The following CEP162 variants were observed in gnomAD, a reference collection of about 807,000 sequenced individuals.
CEP162 encodes the protein centrosomal protein 162.
Under a neutral mutation model 169.2 loss-of-function variants are expected in CEP162, and 141 were observed. That is an observed-to-expected ratio of 0.83 (90% CI 0.73 to 0.96). The LOEUF is 0.96. Ranked by LOEUF, CEP162 falls within the 40% of genes least tolerant of loss-of-function variation. The probability of loss-of-function intolerance (pLI) is 0.00; values close to 1 mark genes in which losing one functional copy is unlikely to be tolerated. For missense variants in CEP162, 1,600 were observed against 1,587.2 expected, an observed-to-expected ratio of 1.01 and a Z score of -0.14; for synonymous variants, 540 against 526.4, an observed-to-expected ratio of 1.03 and a Z score of -0.35.
At chr6:84,130,595 T>C (rs1053727478) in intron 25 of CEP162, among the ~76,000 whole-genome samples, 7 of 152,226 alleles carry the variant, frequency 4.6e-5, no homozygotes, top group African/African-American at 1.7e-4. Flanking sequence ...GGAGGGTGTA[T>C]GTGTCCAGGA....
chr6:84,178,843 C>T (rs1031666989), intron 13 of CEP162, among the ~76,000 whole-genome samples: 21 of 152,198 alleles, frequency 1.4e-4, no homozygotes, highest in African/African-American at 5.1e-4. Flanking sequence ...CTGGTATGTG[C>T]TGTTCCCCTT....
chr6:84,195,123 T>A, intron 9 of CEP162, 48 bp from the exon 10 acceptor site: 1 of 1,375,194 alleles, frequency 7.3e-7, no homozygotes, highest in Non-Finnish European at 9.9e-7. Flanking sequence ...CACAAATACA[T>A]GAGAACGATA....
chr6:84,193,023 C>T (rs1562066187), intron 11 of CEP162, among the ~76,000 whole-genome samples: 1 of 152,224 alleles, frequency 6.6e-6, no homozygotes, highest in Non-Finnish European at 1.5e-5. Context: ...GCATTCTCTA[C>T]TTGTTATGAG....
chr6:84,226,400 CA>C lies in CEP162; in HGVS notation c.-8del, dbSNP rs1250570093. ...CTTGGGAACAGTTAGCCATAGTCAACAATTTTGACCTCCCAAAGTAAACATT... is the reference window on the plus strand; with the variant it reads ...CTTGGGAACAGTTAGCCATAGTCAACATTTTGACCTCCCAAAGTAAACATT... On this transcript the variant is annotated 5_prime_UTR_variant, in exon 2 of 27. In the 5' UTR this introduces an upstream ATG that the reference lacks. Coordinates refer to ENST00000403245, the MANE Select transcript of CEP162 (RefSeq NM_014895.4). 6.4e-7 allele frequency: 1 copy of C among 1,563,082 alleles called. No individual in the cohort carries two copies. The highest frequency in any genetic ancestry group is 1.2e-5 in the South Asian group (1 of 85,374).
At chr6:84,194,526 T>C (rs2099541310) in intron 10 of CEP162, among the ~76,000 whole-genome samples, 1 of 150,728 alleles carries the variant, frequency 6.6e-6, no homozygotes, top group African/African-American at 2.4e-5. Flanking sequence ...CAATATTGGC[T>C]CACTGCAACC....
At chr6:84,175,847 G>A (rs947562024) in intron 13 of CEP162, among the ~76,000 whole-genome samples, 1 of 151,870 alleles carries the variant, frequency 6.6e-6, no homozygotes, top group Admixed American at 6.6e-5. Context: ...TTGCACGGAG[G>A]ATTTTATAAT....
At chr6:84,182,212 GA>G (rs2099535163) in intron 13 of CEP162, among the ~76,000 whole-genome samples, 1 of 151,936 alleles carries the variant, frequency 6.6e-6, no homozygotes, top group Non-Finnish European at 1.5e-5. Context: ...GAGATGCATG[GA>G]ATCTGCTCAC....
intron 23 of CEP162, among the ~76,000 whole-genome samples, chr6:84,151,017 T>C (rs1462049916): frequency 1.3e-5 from 2 of 151,872 alleles, no homozygotes; most frequent in South Asian, 4.2e-4. Context: ...GAGTTGGGGG[T>C]AGGAGAAGGC....
At chr6:84,193,475 T>C (rs923739342) in intron 11 of CEP162, 134 bp downstream of exon 11, 4 of 486,228 alleles carry the variant, frequency 8.2e-6, no homozygotes, top group South Asian at 5.7e-5. Flanking sequence ...AGGACAAATA[T>C]AAAAAGAAGA....
intron 6 of CEP162, among the ~76,000 whole-genome samples, chr6:84,205,924 T>C (rs1432712093): frequency 1.3e-5 from 2 of 148,264 alleles, no homozygotes; most frequent in East Asian, 1.9e-4. Flanking sequence ...TATACACCAA[T>C]AACAGACAAA....
At chr6:84,156,924 A>T (rs2099523466) in intron 21 of CEP162, among the ~76,000 whole-genome samples, 1 of 152,156 alleles carries the variant, frequency 6.6e-6, no homozygotes, top group East Asian at 1.9e-4. Flanking sequence ...ACACACATGT[A>T]TATACAGACT....
intron 2 of CEP162, among the ~76,000 whole-genome samples, chr6:84,226,045 GT>G (rs540667501): frequency 5.5e-4 from 81 of 147,438 alleles, no homozygotes; most frequent in Middle Eastern, 3.5e-3. Context: ...GGAGTTGTTT[GT>G]TTTTTTTTTT....
chr6:84,135,038 T>C (rs1030553960), intron 25 of CEP162, among the ~76,000 whole-genome samples: 2 of 152,066 alleles, frequency 1.3e-5, no homozygotes, highest in Non-Finnish European at 1.5e-5. Context: ...TTTGCATATG[T>C]ACACACATGA....
chr6:84,208,316 T>G (rs1386664466), intron 6 of CEP162, among the ~76,000 whole-genome samples: 1 of 152,196 alleles, frequency 6.6e-6, no homozygotes, highest in African/African-American at 2.4e-5. Flanking sequence ...CAGTATTAAT[T>G]TAGATCTGTA....
intron 10 of CEP162, among the ~76,000 whole-genome samples, chr6:84,194,628 A>G (rs995502266): frequency 6.6e-6 from 1 of 151,674 alleles, no homozygotes; most frequent in African/African-American, 2.4e-5. Context: ...TAATTTTTGT[A>G]TTTTTAGTAG....
chr6:84,161,909 C>A lies in CEP162; in HGVS notation c.2513G>T (p.Gly838Val). ...AATTTTTATTTCATATAATTTCTCA[C>A]CTATAAGATACAGTAACTCAATAAC... The part of the protein sequence containing the change: ...QAKDQIAYVT[G>V]EKLYEIKILE... Residue 838 changes from glycine (G) to valine (V), a missense_variant and splice_region_variant, in exon 20 of 27, where the codon GGT (glycine) becomes GTT (valine). Transcript: ENST00000403245. 1.3e-6 allele frequency: 2 copies of A among 1,493,506 alleles called. No individual in the cohort carries two copies. Among genetic ancestry groups the A allele is most frequent in the Non-Finnish European group, 1.8e-6 (2 of 1,092,248 alleles). 92.5% of individuals were successfully genotyped at this position (1,493,506 alleles called of 1,614,324 possible).
intron 3 of CEP162, 121 bp from the exon 4 acceptor site, chr6:84,216,043 CT>C: frequency 8.2e-7 from 1 of 1,221,566 alleles, no homozygotes; most frequent in Non-Finnish European, 1.1e-6. Context: ...TAAATCTGCT[CT>C]ATTAAATAAA....
chr6:84,194,789 C>T, intron 10 of CEP162, 95 bp downstream of exon 10: 1 of 1,010,690 alleles, frequency 9.9e-7, no homozygotes, highest in Non-Finnish European at 1.4e-6. Flanking sequence ...GACTGAGAAA[C>T]AATCACTACA....
intron 25 of CEP162, among the ~76,000 whole-genome samples, chr6:84,137,906 C>T (rs2099514844): frequency 6.6e-6 from 1 of 152,102 alleles, no homozygotes; most frequent in Non-Finnish European, 1.5e-5. Context: ...GATTTTCACC[C>T]CATTGCAGCA....
Sources: gnomAD v4.1 joint callset for allele counts (sites outside exome capture counted in the v4.1 genomes callset) on GRCh38, gnomAD v4.1.1 for gene constraint, MANE v1.5 for transcripts, NCBI Gene and HGNC (gene_info 2026-07-23, HGNC 2026-07-21) for gene names.